Variants in FRMPD2 observed in about 807,000 individuals in gnomAD.
FRMPD2 encodes FERM and PDZ domain-containing protein 2.
In FRMPD2, 96 loss-of-function variants were observed where a neutral mutation model predicts 140.1. The observed-to-expected ratio is 0.69, with a 90% CI of 0.58 to 0.81. The LOEUF is 0.81. Ranked by LOEUF, FRMPD2 falls within the 40% of genes least tolerant of loss-of-function variation. The probability of loss-of-function intolerance (pLI) is 0.00; values close to 1 mark genes in which losing one functional copy is unlikely to be tolerated. For synonymous variants in FRMPD2, 449 were observed against 547.6 expected, an observed-to-expected ratio of 0.82 and a Z score of 2.52; for missense variants, 1,240 against 1,447.4, an observed-to-expected ratio of 0.86 and a Z score of 2.32.
At chr10:48,237,856 G>T in intron 8 of FRMPD2, 135 bp downstream of exon 8, 1 of 1,092,456 alleles carries the variant, frequency 9.2e-7, no homozygotes, top group Non-Finnish European at 1.4e-6. Context: ...GTTTATGTTA[G>T]TCCAATCCTA....
At chr10:48,214,882 C>T (rs1193261539) in intron 12 of FRMPD2, among the ~76,000 whole-genome samples, 1 of 152,182 alleles carries the variant, frequency 6.6e-6, no homozygotes, top group African/African-American at 2.4e-5. Context: ...TCCAGAGGAT[C>T]ACTAGGAAGG....
In FRMPD2 at chr10:48,250,957, T is replaced by C. The variant is rs114840205; in HGVS notation, c.151+609A>G. Among the ~76,000 whole-genome samples the C allele has an allele frequency of 7.3e-3, 1,022 of 139,800 alleles. 11 individuals carry two copies. The highest frequency in any genetic ancestry group is 0.031 in the African/African-American group (949 of 30,184). 91.7% of individuals were successfully genotyped at this position (139,800 alleles called of 152,430 possible). A position where few individuals can be genotyped will look rare whatever the true frequency, so the allele number is the denominator to read the frequency against. On this transcript the variant is annotated intron_variant, in intron 2 of 28. Transcript: ENST00000374201. The stretch of plus-strand genomic sequence containing the variant: ...GATTACAGGCGAGCGCAACCATACC[T>C]GGCAAATTTTTTTTTTTGTATTTTT...
intron 10 of FRMPD2, among the ~76,000 whole-genome samples, chr10:48,227,180 T>G (rs906823502): frequency 1.3e-5 from 2 of 152,250 alleles, no homozygotes; most frequent in Non-Finnish European, 2.9e-5. Context: ...GTTCTCTGAA[T>G]TGTGACTCTT....
rs1838629622 is a variant in FRMPD2 at position 48,184,595 on chromosome 10, T to C, written c.2555A>G (p.Asn852Ser). The change falls in exon 20 of 29, where the codon AAC becomes AGC. Residue 852 changes from asparagine to serine, a missense_variant. This residue lies in a region of FRMPD2 where 1,161 missense variants were observed against 1,055.9 expected (regional missense o/e 1.10). Coordinates refer to ENST00000374201, the MANE Select transcript of FRMPD2 (RefSeq NM_001018071.4). ...AVRMIQNSPD[N>S]IELIISQSKG... ...TGACTGAGAAATAATTAATTCTATG[T>C]TGTCAGGGGAATTCTGGATCATCCT... 1 of 1,611,478 alleles carries C rather than the reference T, an allele frequency of 6.2e-7. No homozygotes were observed.
chr10:48,200,193 T>TAAAAAAAAA (rs879909099), intron 15 of FRMPD2, among the ~76,000 whole-genome samples: 1,405 of 139,368 alleles, frequency 0.01, 12 homozygotes, highest in Non-Finnish European at 0.015. Context: ...AATAAATAAA[T>TAAAAAAAAA]AAATAAAACA....
intron 20 of FRMPD2, among the ~76,000 whole-genome samples, chr10:48,181,520 C>A (rs1307242761): frequency 6.6e-6 from 1 of 152,144 alleles, no homozygotes; most frequent in Non-Finnish European, 1.5e-5. Context: ...GATCCAAAAA[C>A]CAACGTATCA....
At position 48,239,563 on chromosome 10, in the gene FRMPD2, C is replaced by G. The variant is rs1227881475; in HGVS notation, c.788+42G>C. ...GGTACCATAGCCCCCACACCTATGT[C>G]TCACATCAAGTTCACAGCACCCTTT... On this transcript the variant is annotated intron_variant, in intron 7 of 28. Transcript: ENST00000374201. 5 of 1,450,364 alleles carry G rather than the reference C, an allele frequency of 3.4e-6. No individual in the cohort carries two copies. In the South Asian group the frequency reaches 5.8e-5, roughly 17 times the overall value. 89.8% of individuals were successfully genotyped at this position (1,450,364 alleles called of 1,614,324 possible). A position where few individuals can be genotyped will look rare whatever the true frequency, so the allele number is the denominator to read the frequency against.
At chr10:48,192,120 G>A (rs2131847888) in intron 16 of FRMPD2, among the ~76,000 whole-genome samples, 1 of 152,280 alleles carries the variant, frequency 6.6e-6, no homozygotes, top group East Asian at 1.9e-4. Flanking sequence ...TTGTCATCTA[G>A]TTCTTTCTTC....
At chr10:48,233,009 G>A (rs1839886624) in intron 9 of FRMPD2, among the ~76,000 whole-genome samples, 2 of 152,134 alleles carry the variant, frequency 1.3e-5, no homozygotes, top group African/African-American at 4.8e-5. Flanking sequence ...CCCTCCCCAT[G>A]TGGCAAACTC....
At chr10:48,191,912 C>T (rs1176288304) in intron 16 of FRMPD2, among the ~76,000 whole-genome samples, 2 of 152,100 alleles carry the variant, frequency 1.3e-5, no homozygotes, top group Non-Finnish European at 2.9e-5. Flanking sequence ...AGGAGCTGGA[C>T]TCTAAGGCCA....
intron 10 of FRMPD2, among the ~76,000 whole-genome samples, chr10:48,230,160 T>C (rs569610809): frequency 6.6e-6 from 1 of 152,334 alleles, no homozygotes; most frequent in East Asian, 1.9e-4. Context: ...ATCTATAGTT[T>C]ACAACAATAT....
intron 3 of FRMPD2, 85 bp from the exon 4 acceptor site, chr10:48,244,934 C>T (rs1165374169): frequency 1.0e-6 from 1 of 995,476 alleles, no homozygotes; most frequent in Non-Finnish European, 1.6e-6. Flanking sequence ...CCAATTTCCA[C>T]ATGAACAGAC....
chr10:48,222,451 C>T lies in FRMPD2; in HGVS notation c.1317G>A (p.Gln439=), dbSNP rs945831214. The stretch of plus-strand genomic sequence containing the variant: ...AAAACTGGTGCCTTGTCAGGCTGTG[C>T]CTGGAAAAGAAGTAGCAATAAAAAG... ...KFFVSHYGLL[Q]HSLTRHQFYL... Residue 439 remains glutamine (Q), a splice_region_variant and synonymous_variant, in exon 12 of 29, where the codon CAG becomes CAA. Coordinates refer to ENST00000374201, the MANE Select transcript of FRMPD2 (RefSeq NM_001018071.4). 6.2e-7 allele frequency: 1 copy of T among 1,613,538 alleles called. No homozygotes were observed. Among genetic ancestry groups the T allele is most frequent in the South Asian group, 1.1e-5 (1 of 90,952 alleles).
At chr10:48,260,367 T>C (rs1840564051) in intron 1 of FRMPD2, among the ~76,000 whole-genome samples, 1 of 152,192 alleles carries the variant, frequency 6.6e-6, no homozygotes, top group Admixed American at 6.5e-5. Flanking sequence ...ATGATGTAAA[T>C]CCCAGTCCAA....
intron 4 of FRMPD2, 89 bp downstream of exon 4, chr10:48,244,695 T>C (rs1840203390): frequency 1.1e-6 from 1 of 946,906 alleles, no homozygotes. Flanking sequence ...TTATGTGTGC[T>C]CAGTAAATGT....
At chr10:48,240,339 C>A (rs767935980) in intron 6 of FRMPD2, 21 bp downstream of exon 6, 1 of 1,606,722 alleles carries the variant, frequency 6.2e-7, no homozygotes, top group African/African-American at 1.3e-5. Context: ...CACGCAGGGA[C>A]TGCTTAGGGC....
chr10:48,194,328 A>G (rs1028348910), intron 15 of FRMPD2, among the ~76,000 whole-genome samples: 4 of 152,146 alleles, frequency 2.6e-5, no homozygotes, highest in African/African-American at 9.7e-5. Flanking sequence ...AAATCTGCAG[A>G]CTCCACAGTC....
chr10:48,213,146 C>G (rs1839369983), intron 12 of FRMPD2, among the ~76,000 whole-genome samples: 1 of 152,112 alleles, frequency 6.6e-6, no homozygotes, highest in African/African-American at 2.4e-5. Context: ...CCACTACCTC[C>G]CACACTCCTG....
chr10:48,247,474 T>A (rs890851199), intron 3 of FRMPD2, among the ~76,000 whole-genome samples: 1 of 152,234 alleles, frequency 6.6e-6, no homozygotes, highest in African/African-American at 2.4e-5. Flanking sequence ...GTCAAAATGC[T>A]GGCCATCTCC....
Sources: allele counts gnomAD v4.1 joint callset (sites outside exome capture counted in the v4.1 genomes callset), GRCh38; gene constraint gnomAD v4.1.1; regional missense constraint gnomAD v4.1.1; transcripts MANE v1.5; gene names NCBI Gene and HGNC (gene_info 2026-07-23, HGNC 2026-07-21).